HSDL1: variants seen among roughly 807,000 people sequenced by gnomAD.
HSDL1 encodes the protein hydroxysteroid dehydrogenase like 1, also known as inactive hydroxysteroid dehydrogenase-like protein 1.
HSDL1 carries 29 observed loss-of-function variants against 31.5 expected under a neutral mutation model. That is an observed-to-expected ratio of 0.92 (90% CI 0.69 to 1.26). The LOEUF (loss-of-function observed/expected upper bound fraction) is 1.26. HSDL1 is among the 50% of genes most tolerant of loss of function. HSDL1 has a pLI of 0.00. For missense variants in HSDL1, 503 were observed against 416.6 expected, an observed-to-expected ratio of 1.21 and a Z score of -1.81; for synonymous variants, 222 against 155.2, an observed-to-expected ratio of 1.43 and a Z score of -3.20.
intron 1 of HSDL1, chr16:84,139,115 G>A (rs948156308): frequency 6.6e-6 from 1 of 152,298 alleles, no homozygotes; most frequent in Non-Finnish European, 1.5e-5. Flanking sequence ...AAGCAAGCAG[G>A]ATGGAAAAAA....
In HSDL1 at chr16:84,124,100, A is replaced by C. The variant is rs564240828; in HGVS notation, c.*530T>G. 2 of 154,046 alleles carry C rather than the reference A, an allele frequency of 1.3e-5. No homozygotes were observed. Among genetic ancestry groups the C allele is most frequent in the East Asian group, 3.8e-4 (2 of 5,238 alleles). 9.5% of individuals were successfully genotyped at this position (154,046 alleles called of 1,614,324 possible). A position where few individuals can be genotyped will look rare whatever the true frequency, so the allele number is the denominator to read the frequency against. Reference sequence around the variant, plus strand: ...ACACACGGTTCTCTAATGAAATACCAGTTGAAGTGCAGCATTTTCATTACA... The same window carrying C: ...ACACACGGTTCTCTAATGAAATACCCGTTGAAGTGCAGCATTTTCATTACA... On this transcript the variant is annotated 3_prime_UTR_variant, in exon 6 of 6. Coordinates refer to ENST00000219439, the MANE Select transcript of HSDL1 (RefSeq NM_031463.5).
chr16:84,138,050 T>C (rs1366576759), intron 1 of HSDL1, among the ~76,000 whole-genome samples: 1 of 152,226 alleles, frequency 6.6e-6, no homozygotes, highest in Non-Finnish European at 1.5e-5. Context: ...GATCAGATAA[T>C]GAGGGCTCCA....
chr16:84,143,038 C>T (rs2086782691), intron 1 of HSDL1, among the ~76,000 whole-genome samples: 1 of 152,224 alleles, frequency 6.6e-6, no homozygotes, highest in African/African-American at 2.4e-5. Context: ...CAACACTCTT[C>T]ACCATCATGT....
intron 1 of HSDL1, among the ~76,000 whole-genome samples, chr16:84,138,064 C>A (rs1169316259): frequency 2.6e-5 from 4 of 152,220 alleles, no homozygotes; most frequent in African/African-American, 9.6e-5. Context: ...GGCTCCACCA[C>A]CTTGATCTTG....
rs916092371 is a variant in HSDL1 at position 84,122,293 on chromosome 16, C to T, written c.*2337G>A. ...TGGAACAAAACTCTTCCAAAGGAAA[C>T]AAACAACTACTTTTATTGTTAAACT... On this transcript the variant is annotated 3_prime_UTR_variant, in exon 6 of 6. Transcript: ENST00000219439. 1.3e-5 allele frequency: 2 copies of T among 152,354 alleles called. No homozygotes were observed. Among genetic ancestry groups the T allele is most frequent in the African/African-American group, 2.4e-5 (1 of 41,314 alleles). The allele number at this position is 152,354 out of a possible 1,614,324, so 9.4% of individuals were successfully genotyped here. A position where few individuals can be genotyped will look rare whatever the true frequency, so the allele number is the denominator to read the frequency against.
rs142419285 is a variant in HSDL1 at position 84,129,865 on chromosome 16, G to C, written c.667-90C>G. On this transcript the variant is annotated intron_variant, in intron 4 of 5. Transcript: ENST00000219439. ...AAAGACTTGCTTATTATCAATTCAG[G>C]AAAAAATACAGGATAAGCATATGTG... 45 of 1,414,266 alleles carry C rather than the reference G, an allele frequency of 3.2e-5. No homozygotes were observed. The African/African-American group carries it at 4.9e-4, about 15-fold the overall frequency. The allele number at this position is 1,414,266 out of a possible 1,614,324, so 87.6% of individuals were successfully genotyped here.
rs780121100 is a variant in HSDL1, at chr16:84,131,328, C to T, written c.-6-1G>A. Reference sequence around the variant, plus strand: ...AACTGTCAACAGCAGCCATGGCAACCTGCAGGGAGAGGGAAAGAGAGAGAG... The same window carrying T: ...AACTGTCAACAGCAGCCATGGCAACTTGCAGGGAGAGGGAAAGAGAGAGAG... On this transcript the variant is annotated splice_acceptor_variant, in intron 2 of 5. Coordinates refer to ENST00000219439, the MANE Select transcript of HSDL1 (RefSeq NM_031463.5). LOFTEE classifies it low-confidence loss of function (5UTR_SPLICE). 1.2e-6 allele frequency: 2 copies of T among 1,605,200 alleles called. No homozygotes were observed. The highest frequency in any genetic ancestry group is 2.2e-5 in the East Asian group (1 of 44,848).
chr16:84,138,187 G>C (rs950225536), intron 1 of HSDL1, among the ~76,000 whole-genome samples: 3 of 152,186 alleles, frequency 2.0e-5, no homozygotes, highest in Admixed American at 6.5e-5. Context: ...CTGCAACCTA[G>C]AGAAACCCAT....
intron 5 of HSDL1, among the ~76,000 whole-genome samples, chr16:84,126,594 A>G (rs944761810): frequency 2.0e-5 from 3 of 152,360 alleles, no homozygotes; most frequent in Middle Eastern, 3.4e-3. Flanking sequence ...AACACCGTGT[A>G]TACGAAAGAG....
intron 2 of HSDL1, among the ~76,000 whole-genome samples, chr16:84,134,519 G>A (rs1167878348): frequency 1.3e-5 from 2 of 151,998 alleles, no homozygotes; most frequent in Non-Finnish European, 2.9e-5. Flanking sequence ...GGCTGAGGAA[G>A]GAGAATCACT....
At chr16:84,143,611 T>C (rs1348731821) in intron 1 of HSDL1, among the ~76,000 whole-genome samples, 1 of 152,110 alleles carries the variant, frequency 6.6e-6, no homozygotes, top group Non-Finnish European at 1.5e-5. Context: ...ATGTCATGCG[T>C]AAGTCATTTC....
chr16:84,127,209 CTTTTTTTTTTTTT>C (rs71148881), intron 5 of HSDL1, among the ~76,000 whole-genome samples: 2 of 93,376 alleles, frequency 2.1e-5, no homozygotes, highest in South Asian at 3.9e-4. Flanking sequence ...ACTGTTTCTT[CTTTTTTTTTTTTT>C]TTTTTTTTTT....
chr16:84,139,744 C>T (rs1434075880), intron 1 of HSDL1, among the ~76,000 whole-genome samples: 1 of 152,126 alleles, frequency 6.6e-6, no homozygotes, highest in East Asian at 1.9e-4. Flanking sequence ...AAGCCAAAAC[C>T]ACTATGTGTA....
intron 1 of HSDL1, among the ~76,000 whole-genome samples, chr16:84,140,369 T>A (rs10153188): frequency 0.28 from 43,044 of 151,834 alleles, 7,692 homozygotes; most frequent in African/African-American, 0.52. Context: ...GGTTCAAGCG[T>A]TTCTCCTGCC....
At position 84,145,144 on chromosome 16, in the gene HSDL1, G is replaced by C. The variant is rs997454256; in HGVS notation, c.-133C>G. ...CCCGCGCGGCCGCCGCCCCCGTCTC[G>C]GCCGCCGGAGCTGCTGCCGCGCCGC... On this transcript the variant is annotated 5_prime_UTR_variant, in exon 1 of 6. Coordinates refer to ENST00000219439, the MANE Select transcript of HSDL1 (RefSeq NM_031463.5). 2 of 207,104 alleles carry C rather than the reference G, an allele frequency of 9.7e-6. No homozygotes were observed. The highest frequency in any genetic ancestry group is 1.9e-5 in the Non-Finnish European group (2 of 105,738). The allele number at this position is 207,104 out of a possible 1,614,324, so 12.8% of individuals were successfully genotyped here. A position where few individuals can be genotyped will look rare whatever the true frequency, so the allele number is the denominator to read the frequency against.
At chr16:84,132,943 G>A (rs1462966048) in intron 2 of HSDL1, among the ~76,000 whole-genome samples, 1 of 151,110 alleles carries the variant, frequency 6.6e-6, no homozygotes, top group Non-Finnish European at 1.5e-5. Flanking sequence ...TAAAACTTCT[G>A]GGGGTGGCAA....
At chr16:84,142,883 T>C (rs1157741123) in intron 1 of HSDL1, among the ~76,000 whole-genome samples, 1 of 152,246 alleles carries the variant, frequency 6.6e-6, no homozygotes, top group Non-Finnish European at 1.5e-5. Context: ...GTCAGCACTA[T>C]GACAAAGTTA....
chr16:84,126,337 G>A (rs1165079945), intron 5 of HSDL1, among the ~76,000 whole-genome samples: 1 of 151,974 alleles, frequency 6.6e-6, no homozygotes, highest in Non-Finnish European at 1.5e-5. Flanking sequence ...TCTGCTTCAG[G>A]GTCTCACTCA....
chr16:84,136,459 A>G (rs572174993), intron 1 of HSDL1, among the ~76,000 whole-genome samples: 1 of 152,336 alleles, frequency 6.6e-6, no homozygotes, highest in East Asian at 1.9e-4. Context: ...GAAGCTCAAC[A>G]CTACCAAGTC....
Sources: gnomAD v4.1 joint callset for allele counts (sites outside exome capture counted in the v4.1 genomes callset) on GRCh38, gnomAD v4.1.1 for gene constraint, MANE v1.5 for transcripts, NCBI Gene and HGNC (gene_info 2026-07-23, HGNC 2026-07-21) for gene names.